Variants in CDK13 observed in about 807,000 individuals in gnomAD.
The protein encoded by CDK13 is cyclin-dependent kinase 13.
Under a neutral mutation model 137.6 loss-of-function variants are expected in CDK13, and 40 were observed. The observed-to-expected ratio is 0.29, with a 90% CI of 0.23 to 0.38. The LOEUF (loss-of-function observed/expected upper bound fraction) is 0.38, where lower values mean the gene tolerates loss of function less well. Ranked by LOEUF, CDK13 falls within the 10% of genes least tolerant of loss-of-function variation. The pLI, the probability that CDK13 is intolerant of heterozygous loss-of-function variation, is 1.00. For missense variants in CDK13, 1,704 were observed against 1,951.8 expected (o/e 0.87, Z 2.39); for synonymous variants, 869 against 760.1 (o/e 1.14, Z -2.36).
intron 1 of CDK13, among the ~76,000 whole-genome samples, chr7:39,966,586 T>A (rs1783877018): frequency 6.6e-6 from 1 of 152,200 alleles, no homozygotes; most frequent in Admixed American, 6.5e-5. Flanking sequence ...AGTTTGATTG[T>A]CTGAATGAAG....
At chr7:40,048,754 T>G (rs1157561012) in intron 7 of CDK13, 1 of 151,584 alleles carries the variant, frequency 6.6e-6, no homozygotes, top group East Asian at 1.9e-4. Flanking sequence ...AAACTCTCGT[T>G]TGAATTTTTC....
intron 5 of CDK13, among the ~76,000 whole-genome samples, chr7:40,022,699 G>A (rs1016030855): frequency 3.3e-5 from 5 of 151,412 alleles, no homozygotes; most frequent in Admixed American, 6.6e-5. Flanking sequence ...GGTCAAAGCA[G>A]AGTAGAGGAA....
At chr7:40,076,226 C>T (rs1237161302) in intron 9 of CDK13, among the ~76,000 whole-genome samples, 1 of 151,864 alleles carries the variant, frequency 6.6e-6, no homozygotes, top group East Asian at 1.9e-4. Flanking sequence ...GAAAAGTATA[C>T]AAAAACAAGA....
intron 9 of CDK13, among the ~76,000 whole-genome samples, chr7:40,077,391 A>T (rs1038525204): frequency 1.3e-5 from 2 of 152,024 alleles, no homozygotes; most frequent in Non-Finnish European, 2.9e-5. Context: ...ATGGGCATAA[A>T]TTTTTTATGT....
intron 5 of CDK13, 63 bp downstream of exon 5, chr7:40,002,094 AT>A (rs893840381): frequency 3.2e-5 from 38 of 1,178,386 alleles, no homozygotes; most frequent in African/African-American, 9.3e-5. Flanking sequence ...TAACTTGGAA[AT>A]TTTTTTTATA....
intron 5 of CDK13, among the ~76,000 whole-genome samples, chr7:40,044,478 C>T (rs2150514411): frequency 6.6e-6 from 1 of 151,958 alleles, no homozygotes; most frequent in Non-Finnish European, 1.5e-5. Flanking sequence ...ACCACCACGC[C>T]AGGCTAATTT....
chr7:39,975,026 T>C (rs1169720174), intron 1 of CDK13, among the ~76,000 whole-genome samples: 2 of 152,180 alleles, frequency 1.3e-5, no homozygotes, highest in East Asian at 3.8e-4. Flanking sequence ...TAGTTTTATT[T>C]TTTAATAAAA....
intron 1 of CDK13, among the ~76,000 whole-genome samples, chr7:39,976,253 A>G (rs1388724994): frequency 6.8e-6 from 1 of 146,604 alleles, no homozygotes; most frequent in East Asian, 2.0e-4. Context: ...AGATCATGCC[A>G]TTGCACTCCA....
chr7:39,967,368 A>T (rs1243860480), intron 1 of CDK13, among the ~76,000 whole-genome samples: 1 of 152,108 alleles, frequency 6.6e-6, no homozygotes, highest in African/African-American at 2.4e-5. Context: ...TAAAGGCTAC[A>T]GTAAGCTGAG....
Position 39,950,374 on chromosome 7 carries a change from C to G in CDK13, c.-268C>G, listed in dbSNP as rs898874862. ...CAGCGCCCGGCGCATCTGGTGTTTT[C>G]GCTGCCGAGGATAGGACGACGAGCG... is the stretch of plus-strand genomic sequence containing the variant. On this transcript the variant is annotated 5_prime_UTR_variant, in exon 1 of 14. Coordinates refer to ENST00000181839, the MANE Select transcript of CDK13 (RefSeq NM_003718.5). The G allele has an allele frequency of 1.7e-6, 2 of 1,212,000 alleles. No homozygotes were observed. The highest frequency in any genetic ancestry group is 2.1e-6 in the Non-Finnish European group (2 of 975,536). The allele number at this position is 1,212,000 out of a possible 1,614,324, so 75.1% of individuals were successfully genotyped here.
intron 5 of CDK13, among the ~76,000 whole-genome samples, chr7:40,021,781 A>G (rs1429886558): frequency 1.3e-5 from 2 of 151,964 alleles, no homozygotes; most frequent in Non-Finnish European, 2.9e-5. Context: ...GGGGTATAGG[A>G]AAAGTTAGAA....
chr7:40,066,037 A>G (rs182202550), intron 9 of CDK13, among the ~76,000 whole-genome samples: 1 of 152,212 alleles, frequency 6.6e-6, no homozygotes, highest in Non-Finnish European at 1.5e-5. Context: ...AAAACAAACA[A>G]ACAAAAACAA....
intron 5 of CDK13, among the ~76,000 whole-genome samples, chr7:40,009,887 TA>T (rs914479387): frequency 6.6e-6 from 1 of 152,118 alleles, no homozygotes; most frequent in Non-Finnish European, 1.5e-5. Context: ...GAAACTGAAA[TA>T]AAAAGTGTCC....
chr7:40,066,051 C>G (rs1205694876), intron 9 of CDK13, among the ~76,000 whole-genome samples: 1 of 152,012 alleles, frequency 6.6e-6, no homozygotes, highest in Non-Finnish European at 1.5e-5. Context: ...AAAACAACAA[C>G]AACAAATTAG....
chr7:40,096,330 CT>C lies in CDK13; in HGVS notation c.*1353del, dbSNP rs1176335903. ...ACTTCTGCCAGACTTAGAGCAACAA[CT>C]TTAGTTCATTTTAACATTTTTTTTT... On this transcript the variant is annotated 3_prime_UTR_variant, in exon 14 of 14. Transcript: ENST00000181839. 1 of 151,998 alleles carries C rather than the reference CT, an allele frequency of 6.6e-6. No homozygotes were observed. The highest frequency in any genetic ancestry group is 2.4e-5 in the African/African-American group (1 of 41,392). The allele number at this position is 151,998 out of a possible 1,614,324, so 9.4% of individuals were successfully genotyped here. A position where few individuals can be genotyped will look rare whatever the true frequency, so the allele number is the denominator to read the frequency against.
chr7:40,046,928 A>G (rs1179400821), intron 6 of CDK13, among the ~76,000 whole-genome samples: 5 of 146,620 alleles, frequency 3.4e-5, no homozygotes, highest in South Asian at 4.4e-4. Context: ...CTTGAATCCC[A>G]GAAGTGGAGT....
chr7:39,989,048 C>T (rs1053080438), intron 2 of CDK13, among the ~76,000 whole-genome samples: 2 of 130,656 alleles, frequency 1.5e-5, no homozygotes, highest in Admixed American at 1.9e-4. Context: ...TGCGCCACTG[C>T]ACTCCAGCCT....
At chr7:40,062,452 A>AT (rs1332583744) in intron 7 of CDK13, 27 of 165,970 alleles carry the variant, frequency 1.6e-4, no homozygotes, top group South Asian at 9.1e-4. Flanking sequence ...CGCCTGGTTA[A>AT]TTTTTTTTTA....
At chr7:40,070,939 A>G (rs993214460) in intron 9 of CDK13, 2 of 152,240 alleles carry the variant, frequency 1.3e-5, no homozygotes, top group Non-Finnish European at 2.9e-5. Flanking sequence ...GATTATAATC[A>G]GTGAAGAAAT....
Sources: gnomAD v4.1 joint callset for allele counts (sites outside exome capture counted in the v4.1 genomes callset) on GRCh38, gnomAD v4.1.1 for gene constraint, MANE v1.5 for transcripts, NCBI Gene and HGNC (gene_info 2026-07-23, HGNC 2026-07-21) for gene names.